The following CPVL variants were observed in gnomAD, a reference collection of about 807,000 sequenced individuals.
The protein encoded by CPVL is carboxypeptidase vitellogenic like, also known as probable serine carboxypeptidase CPVL.
A neutral mutation model predicts 63.7 loss-of-function variants in CPVL; 51 were observed. The ratio of observed to expected loss-of-function variants is 0.80; its 90% CI spans 0.64 to 1.01. The LOEUF is 1.01. CPVL is among the 50% of genes least tolerant of loss of function. CPVL has a pLI of 0.00. For missense variants in CPVL, 530 were observed against 573.1 expected (o/e 0.92, Z 0.77); for synonymous variants, 195 against 206.0 (o/e 0.95, Z 0.46).
chr7:29,038,676 T>C (rs892823380), intron 11 of CPVL, among the ~76,000 whole-genome samples: 3 of 152,222 alleles, frequency 2.0e-5, no homozygotes, highest in Admixed American at 6.5e-5. Flanking sequence ...TGTCATTTAT[T>C]CAATGCTTAT....
intron 11 of CPVL, among the ~76,000 whole-genome samples, chr7:29,061,452 T>C (rs1791272619): frequency 6.6e-6 from 1 of 152,084 alleles, no homozygotes; most frequent in Admixed American, 6.6e-5. Flanking sequence ...TGGATTTTGA[T>C]TTTATTGGAA....
chr7:29,180,515 G>GACAGAGCA (rs1384519695), intron 5 of CPVL, among the ~76,000 whole-genome samples: 4 of 150,368 alleles, frequency 2.7e-5, no homozygotes, highest in African/African-American at 4.9e-5. Context: ...GCGACAGAGC[G>GACAGAGCA]ACAGAGCAAC....
At chr7:28,995,903 G>C in intron 12 of CPVL, 21 bp from the exon 13 acceptor site, 1 of 1,400,250 alleles carries the variant, frequency 7.1e-7, no homozygotes, top group South Asian at 1.2e-5. Flanking sequence ...AAAAGTAAAA[G>C]AACGGAAATT....
At chr7:29,007,686 T>G (rs1214731047) in intron 12 of CPVL, among the ~76,000 whole-genome samples, 5 of 152,110 alleles carry the variant, frequency 3.3e-5, no homozygotes, top group Non-Finnish European at 7.4e-5. Flanking sequence ...CTCTGTTTCC[T>G]CCAAGACACT....
chr7:29,190,503 A>G (rs1006859967), intron 1 of CPVL, among the ~76,000 whole-genome samples: 4 of 152,194 alleles, frequency 2.6e-5, no homozygotes, highest in Non-Finnish European at 5.9e-5. Flanking sequence ...TTTAAACTTC[A>G]AAAGAATGGT....
At chr7:29,163,303 C>G (rs190752318) in intron 5 of CPVL, among the ~76,000 whole-genome samples, 4 of 151,828 alleles carry the variant, frequency 2.6e-5, no homozygotes, top group Non-Finnish European at 4.4e-5. Context: ...TAAAATACTT[C>G]GCTTATAGTT....
At chr7:29,051,893 T>C (rs1411368160) in intron 11 of CPVL, among the ~76,000 whole-genome samples, 1 of 148,880 alleles carries the variant, frequency 6.7e-6, no homozygotes, top group African/African-American at 2.5e-5. Context: ...GTGGTATATA[T>C]AAATATAAAT....
intron 11 of CPVL, among the ~76,000 whole-genome samples, chr7:29,042,544 G>T (rs1789212012): frequency 6.6e-6 from 1 of 152,160 alleles, no homozygotes; most frequent in South Asian, 2.1e-4. Flanking sequence ...GGTTGAGGTT[G>T]CAGTGAGCTA....
chr7:29,180,248 G>A (rs76701628), intron 5 of CPVL, among the ~76,000 whole-genome samples: 1,775 of 152,204 alleles, frequency 0.012, 21 homozygotes, highest in African/African-American at 0.037. Flanking sequence ...CATCTAGGCC[G>A]GGTGTGGTGG....
In CPVL at chr7:28,995,774, ATC is replaced by A. The variant is rs1401432918; in HGVS notation, c.1427_1428del (p.Gly476ValfsTer20). 6.4e-7 allele frequency: 1 copy of A among 1,564,972 alleles called. No homozygotes were observed. The highest frequency in any genetic ancestry group is 2.3e-5 in the East Asian group (1 of 44,018). On this transcript the variant is annotated frameshift_variant, in exon 13 of 13. Coordinates refer to ENST00000265394, the MANE Select transcript of CPVL (RefSeq NM_031311.5). LOFTEE classifies it high-confidence loss of function. ...IYGKGWDPYV[G>X] ...ATGTTCTCTTTTGGGAAGGTAGTTT[ATC>A]CAACATAAGGATCCCATCCTTTTCC...
intron 11 of CPVL, 91 bp from the exon 12 acceptor site, chr7:29,030,850 G>T: frequency 1.9e-6 from 2 of 1,050,202 alleles, no homozygotes; most frequent in Non-Finnish European, 1.4e-6. Flanking sequence ...CAGTGAGAGA[G>T]AAAAAGAGAC....
At position 29,146,502 on chromosome 7, in the gene CPVL, A is replaced by G. The variant is rs1792683633; in HGVS notation, c.-84T>C. 1.3e-5 allele frequency: 19 copies of G among 1,463,898 alleles called. No homozygotes were observed. The highest frequency in any genetic ancestry group is 1.7e-5 in the Non-Finnish European group (19 of 1,109,316). The allele number at this position is 1,463,898 out of a possible 1,614,324, so 90.7% of individuals were successfully genotyped here. Reference sequence around the variant, plus strand: ...GCCGGTTGTCCTTGCAGCGCTTCCCAAATCAGGCAGAAGTGAGGCAGCCCC... The same window carrying G: ...GCCGGTTGTCCTTGCAGCGCTTCCCGAATCAGGCAGAAGTGAGGCAGCCCC... On this transcript the variant is annotated 5_prime_UTR_variant, in exon 1 of 13. Transcript: ENST00000265394.
At chr7:29,194,814 C>CT in intron 1 of CPVL, 1 of 775,420 alleles carries the variant, frequency 1.3e-6, no homozygotes. Flanking sequence ...GAGGCTGGTG[C>CT]TTTCTGCGCG....
intron 2 of CPVL, among the ~76,000 whole-genome samples, chr7:29,114,772 T>G (rs1429099958): frequency 6.6e-6 from 1 of 152,148 alleles, no homozygotes; most frequent in Non-Finnish European, 1.5e-5. Flanking sequence ...TTCTTCAGTT[T>G]CTCCTCTATG....
intron 1 of CPVL, among the ~76,000 whole-genome samples, chr7:29,191,044 C>T (rs1268599996): frequency 6.6e-6 from 1 of 151,990 alleles, no homozygotes; most frequent in Admixed American, 6.6e-5. Flanking sequence ...AAGCAATTCT[C>T]CCCCCTCAGC....
rs533360359 is a variant in CPVL at position 29,077,628 on chromosome 7, CT to C, written c.610-5206del. ...CTTCTTTGAAGAATTCACTACTGGG[CT>C]GGTGAGAGCTCCTTTGTATCCCCAG... On this transcript the variant is annotated intron_variant, in intron 7 of 12. Coordinates refer to ENST00000265394, the MANE Select transcript of CPVL (RefSeq NM_031311.5). Among the ~76,000 whole-genome samples the C allele has an allele frequency of 2.8e-4, 42 of 152,338 alleles. No homozygotes were observed. In the South Asian group the frequency reaches 8.5e-3, roughly 31 times the overall value.
chr7:29,123,180 C>T (rs960426635), intron 1 of CPVL, among the ~76,000 whole-genome samples: 1 of 152,096 alleles, frequency 6.6e-6, no homozygotes, highest in African/African-American at 2.4e-5. Context: ...TAACGACATG[C>T]TTATTACAAC....
At chr7:29,192,498 A>G (rs1419456967) in intron 1 of CPVL, 1 of 152,240 alleles carries the variant, frequency 6.6e-6, no homozygotes, top group African/African-American at 2.4e-5. Flanking sequence ...TAAGCCATAG[A>G]TTGAAGATAA....
In CPVL at chr7:29,140,091, C is replaced by A. The variant is rs112928356; in HGVS notation, c.-11+6338G>T. ...TTTTCCCTAGCCAGGCCTTTCCCTG[C>A]AACCTACCTACCCTCCCTCAGCACT... On this transcript the variant is annotated intron_variant, in intron 1 of 12. Coordinates refer to ENST00000265394, the MANE Select transcript of CPVL (RefSeq NM_031311.5). Among the ~76,000 whole-genome samples the A allele has an allele frequency of 4.6e-3, 701 of 152,310 alleles. 1 individual carries two copies. The highest frequency in any genetic ancestry group is 0.016 in the African/African-American group (675 of 41,562).
Sources: allele counts gnomAD v4.1 joint callset (sites outside exome capture counted in the v4.1 genomes callset), GRCh38; gene constraint gnomAD v4.1.1; transcripts MANE v1.5; gene names NCBI Gene and HGNC (gene_info 2026-07-23, HGNC 2026-07-21).